The following SCARB1 variants were observed in gnomAD, a reference collection of about 807,000 sequenced individuals.
SCARB1 encodes CD36 and LIMPII analogous 1.
In SCARB1, 30 loss-of-function variants were observed where a neutral mutation model predicts 57.2. The observed-to-expected ratio is 0.52, with a 90% CI of 0.39 to 0.71. SCARB1 has a LOEUF of 0.71. Among genes scored for constraint, SCARB1 ranks in the 30% least tolerant of loss-of-function variants. SCARB1 has a pLI of 0.00. For synonymous variants in SCARB1, 249 were observed against 268.3 expected (o/e 0.93, Z 0.70); for missense variants, 543 against 671.2 (o/e 0.81, Z 2.11).
Position 124,863,689 on chromosome 12 carries a change from G to T in SCARB1, c.32C>A (p.Ala11Asp). The change falls in exon 1 of 13, where the codon GCC becomes GAC. Residue 11 changes from alanine (A) to aspartate (D), a missense_variant. Physicochemically the swap from Ala to Asp is moderately radical, Grantham distance 126. Coordinates refer to ENST00000261693, the MANE Select transcript of SCARB1 (RefSeq NM_005505.5). ...TAGCCCCGCGACGCCCAGCGCCCCG[G>T]CAGCCCAGCGCGCTTTGGCGGAGCA... MGCSAKARWA[A>D]GALGVAGLLC... The T allele has an allele frequency of 6.5e-7, 1 of 1,548,130 alleles. No individual in the cohort carries two copies. Among genetic ancestry groups the T allele is most frequent in the Non-Finnish European group, 8.7e-7 (1 of 1,147,608 alleles).
At chr12:124,842,457 T>C (rs1951943468) in intron 1 of SCARB1, among the ~76,000 whole-genome samples, 1 of 152,148 alleles carries the variant, frequency 6.6e-6, no homozygotes, top group African/African-American at 2.4e-5. Context: ...GGACCTCATA[T>C]CTCAGCGGGG....
In SCARB1 at chr12:124,778,538, G is replaced by A. The variant is rs10396214; in HGVS notation, c.*49C>T. On this transcript the variant is annotated 3_prime_UTR_variant, in exon 13 of 13. Coordinates refer to ENST00000261693, the MANE Select transcript of SCARB1 (RefSeq NM_005505.5). ...AGCGGGGTGTAGGGGCTGGGGGGCC[G>A]GTCAGGCCCAGCGGCCAGGCCTGGC... The A allele has an allele frequency of 6.4e-3, 8,864 of 1,377,230 alleles. 45 individuals carry two copies. The highest frequency in any genetic ancestry group is 7.6e-3 in the Non-Finnish European group (8,119 of 1,063,942). The allele number at this position is 1,377,230 out of a possible 1,614,324, so 85.3% of individuals were successfully genotyped here.
chr12:124,817,022 G>A lies in SCARB1; in HGVS notation c.284+528C>T, dbSNP rs1449032715. 5.1e-5 allele frequency among the ~76,000 whole-genome samples: 2 copies of A among 38,988 alleles called. No homozygotes were observed. Among genetic ancestry groups the A allele is most frequent in the African/African-American group, 2.6e-4 (2 of 7,636 alleles). 25.6% of individuals were successfully genotyped at this position (38,988 alleles called of 152,430 possible). ...TCGGTCCCTGCTCCTGGTCATGCAT[G>A]TGTGTGTGTGTGTGTGTGTGTGTGT... On this transcript the variant is annotated intron_variant, in intron 2 of 12. Coordinates refer to ENST00000261693, the MANE Select transcript of SCARB1 (RefSeq NM_005505.5). The surrounding 1 kb of genome is among the most constrained non-coding windows in gnomAD (Gnocchi z 4.8).
At chr12:124,787,489 CAA>C (rs1377657674) in intron 9 of SCARB1, 32 bp from the exon 10 acceptor site, 9 of 1,594,610 alleles carry the variant, frequency 5.6e-6, no homozygotes, top group Non-Finnish European at 7.7e-6. Context: ...CTGTGTGAAA[CAA>C]AGTCTTACAC....
At chr12:124,834,212 C>A (rs1594339431) in intron 1 of SCARB1, among the ~76,000 whole-genome samples, 1 of 152,380 alleles carries the variant, frequency 6.6e-6, no homozygotes, top group East Asian at 1.9e-4. Flanking sequence ...GCCTCCCAAG[C>A]CAGTGAGCTC....
intron 6 of SCARB1, among the ~76,000 whole-genome samples, chr12:124,808,338 A>C (rs838901): frequency 0.047 from 7,164 of 152,194 alleles, 580 homozygotes; most frequent in African/African-American, 0.16. Context: ...AAAGAACAGA[A>C]TATATCATGC....
chr12:124,817,185 T>G lies in SCARB1; in HGVS notation c.284+365A>C, dbSNP rs1950768939. On this transcript the variant is annotated intron_variant, in intron 2 of 12. Coordinates refer to ENST00000261693, the MANE Select transcript of SCARB1 (RefSeq NM_005505.5). This position sits in a 1 kb window ranked among gnomAD's most constrained non-coding sequence, Gnocchi z 4.8. ...ATGTGTGTAACTCACACATGCACCC[T>G]CCACCCAGACGCACACCATTGGTCC... Among the ~76,000 whole-genome samples, 1 of 151,478 alleles carries G rather than the reference T, an allele frequency of 6.6e-6. No homozygotes were observed. The highest frequency in any genetic ancestry group is 6.6e-5 in the Admixed American group (1 of 15,202).
chr12:124,828,680 C>T (rs1328056182), intron 1 of SCARB1, among the ~76,000 whole-genome samples: 2 of 152,350 alleles, frequency 1.3e-5, no homozygotes, highest in South Asian at 2.1e-4. Context: ...CCCCAGGCTC[C>T]GTATCCACGT....
chr12:124,805,725 A>AT (rs755476758), intron 7 of SCARB1, among the ~76,000 whole-genome samples: 27,011 of 79,638 alleles, frequency 0.34, 3,320 homozygotes, highest in Non-Finnish European at 0.43. Context: ...TGCCTAGCTA[A>AT]TTTTTTTTTT....
chr12:124,828,486 G>A (rs992581268), intron 1 of SCARB1, among the ~76,000 whole-genome samples: 18 of 152,164 alleles, frequency 1.2e-4, no homozygotes, highest in African/African-American at 4.1e-4. Flanking sequence ...GCCCTGAGAC[G>A]CCCCTGCCCT....
At position 124,811,991 on chromosome 12, in the gene SCARB1, C is replaced by T. The variant is rs371058347; in HGVS notation, c.631-26G>A. 46 of 1,575,802 alleles carry T rather than the reference C, an allele frequency of 2.9e-5. No homozygotes were observed. The African/African-American group carries it at 3.2e-4, about 11-fold the overall frequency. On this transcript the variant is annotated intron_variant, in intron 4 of 12. Coordinates refer to ENST00000261693, the MANE Select transcript of SCARB1 (RefSeq NM_005505.5). ...CTACAGACACAGCAGGGAACAGCAT[C>T]GTAAGGCTTAGGCCTGCCATTGAGC... is the stretch of plus-strand genomic sequence containing the variant.
chr12:124,860,661 G>C (rs962924272), intron 1 of SCARB1, among the ~76,000 whole-genome samples: 2 of 152,190 alleles, frequency 1.3e-5, no homozygotes, highest in Admixed American at 6.5e-5. Flanking sequence ...CTGCTCCCAA[G>C]GCCCCACTTC....
intron 1 of SCARB1, among the ~76,000 whole-genome samples, chr12:124,825,884 G>A (rs1169007766): frequency 6.6e-6 from 1 of 152,206 alleles, no homozygotes; most frequent in Non-Finnish European, 1.5e-5. Context: ...GTTGAATGGT[G>A]CTTACGGGGC....
intron 1 of SCARB1, among the ~76,000 whole-genome samples, chr12:124,838,443 G>C (rs1951779101): frequency 6.6e-6 from 1 of 152,168 alleles, no homozygotes; most frequent in Admixed American, 6.5e-5. Context: ...GGGAACTATT[G>C]TTACAGGAGC....
chr12:124,800,178 C>T lies in SCARB1; in HGVS notation c.1074G>A (p.Val358=), dbSNP rs774039797. 4 of 1,613,958 alleles carry T rather than the reference C, an allele frequency of 2.5e-6. No individual in the cohort carries two copies. Among genetic ancestry groups the T allele is most frequent in the Non-Finnish European group, 3.4e-6 (4 of 1,179,980 alleles). The change falls in exon 8 of 13, where the codon GTG becomes GTA. Residue 358 remains valine (V), a synonymous_variant. Coordinates refer to ENST00000261693, the MANE Select transcript of SCARB1 (RefSeq NM_005505.5). This position sits in a 1 kb window ranked among gnomAD's most constrained non-coding sequence, Gnocchi z 4.8. ...CCTCCTGGTTAGGGTGCAGGCCAGT[C>T]ACCGCTTCTGCCAGAACCGGGTCAG... ...LNADPVLAEA[V]TGLHPNQEAH...
rs143864257 is a variant in SCARB1, at chr12:124,795,186, C to T, written c.1202+9G>A. On this transcript the variant is annotated intron_variant, in intron 9 of 12. Transcript: ENST00000261693. ...AGCAATGCAGCCCCAGCTCCCAGTC[C>T]CCACTCACCCAATGCCTGCGACAGA... 7.5e-6 allele frequency: 12 copies of T among 1,610,572 alleles called. 1 individual carries two copies. The African/African-American group carries it at 8.0e-5, about 11-fold the overall frequency.
rs544348436 is a variant in SCARB1, at chr12:124,790,370, CTG to C, written c.1203-2915_1203-2914del. 1.7e-3 allele frequency among the ~76,000 whole-genome samples: 249 copies of C among 150,838 alleles called. 1 individual carries two copies. The highest frequency in any genetic ancestry group is 5.9e-3 in the African/African-American group (243 of 40,962). On this transcript the variant is annotated intron_variant, in intron 9 of 12. Coordinates refer to ENST00000261693, the MANE Select transcript of SCARB1 (RefSeq NM_005505.5). Reference sequence around the variant, plus strand: ...CTCCAGTCTAGATAGCAGAGCGAGACTGTGTCTCAACAACAACAACAACAACA... The same window carrying C: ...CTCCAGTCTAGATAGCAGAGCGAGACTGTCTCAACAACAACAACAACAACA...
intron 1 of SCARB1, among the ~76,000 whole-genome samples, chr12:124,837,468 AAAGAAAGGAAGGAAGGAAGGAAGG>A (rs1951697973): frequency 8.2e-6 from 1 of 121,532 alleles, no homozygotes; most frequent in Non-Finnish European, 1.6e-5. Context: ...GGAAAGAAAG[AAAGAAAGGAAGGAAGGAAGGAAGG>A]AAGGAAGGAA....
At chr12:124,852,699 CAG>C (rs1417588187) in intron 1 of SCARB1, among the ~76,000 whole-genome samples, 2 of 152,230 alleles carry the variant, frequency 1.3e-5, no homozygotes, top group African/African-American at 4.8e-5. Flanking sequence ...GAGATAATTT[CAG>C]AGACTATTAA....
Sources: gnomAD v4.1 joint callset for allele counts (sites outside exome capture counted in the v4.1 genomes callset) on GRCh38, gnomAD v4.1.1 for gene constraint, Gnocchi (gnomAD v3.1) non-coding constraint, MANE v1.5 for transcripts, NCBI Gene and HGNC (gene_info 2026-07-23, HGNC 2026-07-21) for gene names.